The following FAT3 variants were observed in gnomAD, a reference collection of about 807,000 sequenced individuals.
FAT3 encodes the protein protocadherin Fat 3.
In FAT3, 95 loss-of-function variants were observed where a neutral mutation model predicts 310.2. That is an observed-to-expected ratio of 0.31 (90% confidence interval 0.26 to 0.36). The LOEUF (loss-of-function observed/expected upper bound fraction) is 0.36. Ranked by LOEUF, FAT3 falls within the 10% of genes least tolerant of loss-of-function variation. FAT3 has a pLI of 1.00. For synonymous variants in FAT3, 2,314 were observed against 2,192.9 expected (o/e 1.06, Z -1.54); for missense variants, 5,408 against 5,715.6 (o/e 0.95, Z 1.74).
At chr11:92,822,875 C>A (rs1391806427) in intron 13 of FAT3, among the ~76,000 whole-genome samples, 1 of 152,196 alleles carries the variant, frequency 6.6e-6, no homozygotes, top group Non-Finnish European at 1.5e-5. Context: ...GTATACCTTG[C>A]AATTTCAGCA....
At chr11:92,343,757 A>G (rs1003711625) in intron 1 of FAT3, among the ~76,000 whole-genome samples, 3 of 152,164 alleles carry the variant, frequency 2.0e-5, no homozygotes, top group African/African-American at 7.2e-5. Flanking sequence ...CAGTTTCTTC[A>G]GGGATGACAC....
intron 2 of FAT3, among the ~76,000 whole-genome samples, chr11:92,480,314 G>A (rs1051062647): frequency 6.6e-6 from 1 of 152,102 alleles, no homozygotes; most frequent in African/African-American, 2.4e-5. Flanking sequence ...CTTTAAATTG[G>A]AGTAAGTTCA....
intron 11 of FAT3, 28 bp from the exon 12 acceptor site, chr11:92,806,334 T>C (rs1188473784): frequency 1.9e-6 from 3 of 1,576,410 alleles, no homozygotes; most frequent in Non-Finnish European, 2.6e-6. Context: ...TACTAATGAT[T>C]TTATTACCTT....
At chr11:92,868,063 T>G (rs1949293298) in intron 22 of FAT3, among the ~76,000 whole-genome samples, 1 of 152,200 alleles carries the variant, frequency 6.6e-6, no homozygotes, top group Non-Finnish European at 1.5e-5. Context: ...TGCTCCCGGT[T>G]GAAGGCTTGC....
intron 3 of FAT3, among the ~76,000 whole-genome samples, chr11:92,651,060 G>T (rs1029775805): frequency 2.0e-5 from 3 of 152,190 alleles, no homozygotes; most frequent in African/African-American, 4.8e-5. Context: ...GTGGAAAGGG[G>T]TTGGCCTCCT....
intron 3 of FAT3, among the ~76,000 whole-genome samples, chr11:92,641,466 C>T (rs1941960591): frequency 1.3e-5 from 2 of 152,182 alleles, no homozygotes; most frequent in South Asian, 4.1e-4. Context: ...GCCATGCCCT[C>T]TCTGAAGGCT....
intron 1 of FAT3, among the ~76,000 whole-genome samples, chr11:92,313,509 T>C (rs1947359960): frequency 6.6e-6 from 1 of 152,218 alleles, no homozygotes; most frequent in African/African-American, 2.4e-5. Flanking sequence ...TTTTAATGTG[T>C]TACTGACAAT....
intron 21 of FAT3, among the ~76,000 whole-genome samples, chr11:92,861,627 G>C (rs957771210): frequency 1.3e-5 from 2 of 152,156 alleles, no homozygotes; most frequent in Non-Finnish European, 2.9e-5. Flanking sequence ...CTGTAAGTTT[G>C]CTTTTCATAT....
At chr11:92,543,549 T>C (rs1254391114) in intron 3 of FAT3, among the ~76,000 whole-genome samples, 1 of 152,256 alleles carries the variant, frequency 6.6e-6, no homozygotes, top group South Asian at 2.1e-4. Context: ...CAGCCAATCA[T>C]TGTTTTAATA....
At chr11:92,568,745 C>G (rs1388311378) in intron 3 of FAT3, among the ~76,000 whole-genome samples, 1 of 152,148 alleles carries the variant, frequency 6.6e-6, no homozygotes, top group Non-Finnish European at 1.5e-5. Flanking sequence ...TGAATGTCAT[C>G]TTCACCCTAT....
rs141937838 is a variant in FAT3, at chr11:92,530,422, A to G, written c.3607+5474A>G. ...ACAGCAAACTTTATGAGTTACCCCAACATCTTACGGGGCTGAGGTTTGAGA... is the reference window on the plus strand; with the variant it reads ...ACAGCAAACTTTATGAGTTACCCCAGCATCTTACGGGGCTGAGGTTTGAGA... On this transcript the variant is annotated intron_variant, in intron 3 of 27. Transcript: ENST00000525166. Among the ~76,000 whole-genome samples the G allele has an allele frequency of 1.1e-3, 166 of 152,274 alleles. 1 individual carries two copies. The highest frequency in any genetic ancestry group is 3.8e-3 in the African/African-American group (157 of 41,580).
rs1220499110 is a variant in FAT3, at chr11:92,866,798, G to A, written c.11716G>A (p.Gly3906Ser). ...LDCGSGPGIL[G>S]ISGRAVNDGS... ...CTGCGGCAGCGGCCCTGGAATCTTGGGCATCTCGGGCCGTGCTGTCAACGA... is the reference window on the plus strand; with the variant it reads ...CTGCGGCAGCGGCCCTGGAATCTTGAGCATCTCGGGCCGTGCTGTCAACGA... The change falls in exon 22 of 28, where the codon GGC (glycine) becomes AGC (serine). Residue 3906 changes from glycine (G) to serine (S), a missense_variant. By Grantham distance (56) the Gly-to-Ser change is moderately conservative. Transcript: ENST00000525166. 6.2e-7 allele frequency: 1 copy of A among 1,613,890 alleles called. No individual in the cohort carries two copies. Among genetic ancestry groups the A allele is most frequent in the Non-Finnish European group, 8.5e-7 (1 of 1,179,870 alleles).
chr11:92,428,196 T>G (rs2135011769), intron 2 of FAT3, among the ~76,000 whole-genome samples: 1 of 152,256 alleles, frequency 6.6e-6, no homozygotes, highest in East Asian at 1.9e-4. Context: ...TGGTAGTTTG[T>G]ATTTCTGTGG....
At position 92,800,745 on chromosome 11, in the gene FAT3, G is replaced by A. The variant is rs768033535; in HGVS notation, c.7732G>A (p.Gly2578Arg). ...VSIFVRALDGGGRTTFCTVRV... is the reference protein window; with the variant it reads ...VSIFVRALDGRGRTTFCTVRV... ...TATTTTTGTGAGGGCCCTTGATGGT[G>A]GAGGGAGAACAACTTTCTGCACTGT... is the stretch of plus-strand genomic sequence containing the variant. The change falls in exon 10 of 28, where the codon GGA becomes AGA. Residue 2578 changes from glycine (G) to arginine (R), a missense_variant. Physicochemically the swap from Gly to Arg is moderately radical, Grantham distance 125. Coordinates refer to ENST00000525166, the MANE Select transcript of FAT3 (RefSeq NM_001367949.2). 6.2e-7 allele frequency: 1 copy of A among 1,613,898 alleles called. No homozygotes were observed. The highest frequency in any genetic ancestry group is 2.2e-5 in the East Asian group (1 of 44,844).
At chr11:92,380,733 A>G (rs759657770) in intron 2 of FAT3, among the ~76,000 whole-genome samples, 11 of 152,164 alleles carry the variant, frequency 7.2e-5, no homozygotes, top group African/African-American at 1.7e-4. Flanking sequence ...TCACATTTCT[A>G]TGAGTGGGTG....
intron 4 of FAT3, among the ~76,000 whole-genome samples, chr11:92,744,057 C>T (rs546567082): frequency 6.6e-4 from 100 of 152,252 alleles, no homozygotes; most frequent in Non-Finnish European, 1.2e-3. Flanking sequence ...CAATAGAAAG[C>T]GACTGAGAGA....
chr11:92,760,898 G>A (rs1946134978), intron 4 of FAT3, among the ~76,000 whole-genome samples: 1 of 152,168 alleles, frequency 6.6e-6, no homozygotes, highest in Admixed American at 6.5e-5. Flanking sequence ...GCACACATGA[G>A]AACAGCATCA....
At chr11:92,424,048 C>T (rs144577560) in intron 2 of FAT3, among the ~76,000 whole-genome samples, 20 of 152,198 alleles carry the variant, frequency 1.3e-4, no homozygotes, top group African/African-American at 4.1e-4. Context: ...GGAGGGTGGA[C>T]ACCTACAAAG....
chr11:92,789,398 C>T (rs577514800), intron 7 of FAT3, among the ~76,000 whole-genome samples: 122 of 152,282 alleles, frequency 8.0e-4, no homozygotes, highest in Middle Eastern at 6.8e-3. Context: ...TGGGAAACTT[C>T]GTACCTTAGC....
Sources: allele counts gnomAD v4.1 joint callset (sites outside exome capture counted in the v4.1 genomes callset), GRCh38; gene constraint gnomAD v4.1.1; transcripts MANE v1.5; gene names NCBI Gene and HGNC (gene_info 2026-07-23, HGNC 2026-07-21).